CACNB4: variants seen among roughly 807,000 people sequenced by gnomAD.
CACNB4 encodes voltage-dependent L-type calcium channel subunit beta-4.
In CACNB4, 32 loss-of-function variants were observed where a neutral mutation model predicts 71.2. That is an observed-to-expected ratio of 0.45 (90% confidence interval 0.34 to 0.60). CACNB4 has a LOEUF of 0.60. Ranked by LOEUF, CACNB4 falls within the 20% of genes least tolerant of loss-of-function variation. CACNB4 has a pLI of 0.01. For synonymous variants in CACNB4, 231 were observed against 236.9 expected (o/e 0.97, Z 0.23); for missense variants, 464 against 647.9 (o/e 0.72, Z 3.08).
chr2:151,863,467 C>T (rs1011988459), intron 9 of CACNB4, among the ~76,000 whole-genome samples: 15 of 152,124 alleles, frequency 9.9e-5, no homozygotes, highest in African/African-American at 2.9e-4. Context: ...AAATATATGA[C>T]GAGAGACAAG....
intron 2 of CACNB4, chr2:152,048,835 A>G (rs987080329): frequency 1.3e-5 from 2 of 152,232 alleles, no homozygotes; most frequent in Admixed American, 1.3e-4. Flanking sequence ...TTCTAGATCT[A>G]AAGTACTACT....
intron 2 of CACNB4, among the ~76,000 whole-genome samples, chr2:151,955,959 A>G (rs771787726): frequency 5.9e-5 from 9 of 152,174 alleles, no homozygotes; most frequent in Admixed American, 3.3e-4. Flanking sequence ...TTCAAAGTCT[A>G]TAAAGTCTAT....
intron 12 of CACNB4, among the ~76,000 whole-genome samples, chr2:151,847,430 C>T (rs936498876): frequency 9.9e-5 from 15 of 152,036 alleles, no homozygotes; most frequent in African/African-American, 3.1e-4. Context: ...TAAAATCAAA[C>T]GGCTGAATGG....
chr2:151,846,589 A>C (rs1226808263), intron 12 of CACNB4, among the ~76,000 whole-genome samples: 2 of 152,026 alleles, frequency 1.3e-5, no homozygotes, highest in Non-Finnish European at 2.9e-5. Flanking sequence ...GTCTCACTCC[A>C]ACGCCCAGGC....
rs146940166 is a variant in CACNB4, at chr2:152,085,203, G to A, written c.147+13127C>T. Among the ~76,000 whole-genome samples, 32 of 152,142 alleles carry A rather than the reference G, an allele frequency of 2.1e-4. No individual in the cohort carries two copies. The East Asian group carries it at 3.5e-3, about 17-fold the overall frequency. On this transcript the variant is annotated intron_variant, in intron 2 of 13. Coordinates refer to ENST00000539935, the MANE Select transcript of CACNB4 (RefSeq NM_000726.5). ...CGTCCAAGTCTAGGTACCTGCGGCC[G>A]CCATGCAAGTACAGGCAGAGGGGAG...
At chr2:152,018,766 T>C (rs995302055) in intron 2 of CACNB4, among the ~76,000 whole-genome samples, 6 of 150,488 alleles carry the variant, frequency 4.0e-5, no homozygotes, top group Non-Finnish European at 5.9e-5. Flanking sequence ...ATTGCACCAC[T>C]GCACTCCACC....
intron 12 of CACNB4, among the ~76,000 whole-genome samples, chr2:151,848,328 T>C (rs2099838142): frequency 6.6e-6 from 1 of 152,136 alleles, no homozygotes; most frequent in South Asian, 2.1e-4. Flanking sequence ...CTGAAATTGA[T>C]TACCCCCCTT....
chr2:151,903,588 T>C (rs1187651416), intron 2 of CACNB4, among the ~76,000 whole-genome samples: 1 of 152,196 alleles, frequency 6.6e-6, no homozygotes, highest in Admixed American at 6.5e-5. Context: ...ACATTTGAAA[T>C]TGTCCCTGTC....
At chr2:152,059,656 T>A (rs114255970) in intron 2 of CACNB4, among the ~76,000 whole-genome samples, 5,139 of 152,366 alleles carry the variant, frequency 0.034, 121 homozygotes, top group Non-Finnish European at 0.05. Context: ...TTGTCTCAGA[T>A]GAGACTGGAC....
At chr2:151,955,156 A>G (rs2099867929) in intron 2 of CACNB4, among the ~76,000 whole-genome samples, 1 of 152,068 alleles carries the variant, frequency 6.6e-6, no homozygotes, top group Non-Finnish European at 1.5e-5. Context: ...TGCCCAGCCA[A>G]CAAGTCAGCA....
intron 2 of CACNB4, among the ~76,000 whole-genome samples, chr2:152,068,070 T>G (rs1436167743): frequency 6.6e-6 from 1 of 152,148 alleles, no homozygotes; most frequent in Non-Finnish European, 1.5e-5. Context: ...ACTATAAAGC[T>G]GAAAGACCTG....
At chr2:152,009,062 A>C (rs1018826553) in intron 2 of CACNB4, among the ~76,000 whole-genome samples, 1 of 151,994 alleles carries the variant, frequency 6.6e-6, no homozygotes, top group Non-Finnish European at 1.5e-5. Context: ...ATGGTGGCTC[A>C]CACCTTTAAT....
intron 12 of CACNB4, among the ~76,000 whole-genome samples, chr2:151,849,856 A>G (rs2151339674): frequency 6.6e-6 from 1 of 152,312 alleles, no homozygotes; most frequent in Non-Finnish European, 1.5e-5. Context: ...GTCCCAGAAC[A>G]AGGGGGCAAG....
intron 2 of CACNB4, among the ~76,000 whole-genome samples, chr2:151,897,216 G>A (rs181053449): frequency 2.6e-5 from 4 of 152,306 alleles, no homozygotes; most frequent in East Asian, 1.9e-4. Context: ...ATCCACTGGC[G>A]AAGCTGAGAC....
At chr2:152,057,802 T>C (rs557298356) in intron 2 of CACNB4, among the ~76,000 whole-genome samples, 1 of 152,038 alleles carries the variant, frequency 6.6e-6, no homozygotes, top group Admixed American at 6.6e-5. Context: ...CTCTAGTCTC[T>C]GCCTATGGCA....
At chr2:151,870,799 A>G in intron 7 of CACNB4, 43 bp downstream of exon 7, 4 of 1,532,460 alleles carry the variant, frequency 2.6e-6, no homozygotes, top group African/African-American at 2.7e-5. Flanking sequence ...GCATGTATAT[A>G]TAGGAACCTT....
intron 2 of CACNB4, among the ~76,000 whole-genome samples, chr2:152,034,480 T>C (rs1171601708): frequency 1.3e-5 from 2 of 152,176 alleles, no homozygotes; most frequent in Non-Finnish European, 2.9e-5. Context: ...AAGAGCAAGC[T>C]AACCTTGCTG....
intron 2 of CACNB4, among the ~76,000 whole-genome samples, chr2:152,061,968 C>T (rs746188018): frequency 1.1e-4 from 16 of 150,762 alleles, no homozygotes; most frequent in South Asian, 2.1e-4. Flanking sequence ...GCGGAGATCG[C>T]GCCACTGTAC....
intron 2 of CACNB4, among the ~76,000 whole-genome samples, chr2:152,055,143 C>A (rs1187189088): frequency 6.6e-6 from 1 of 152,170 alleles, no homozygotes; most frequent in South Asian, 2.1e-4. Flanking sequence ...TCCCGAGTAG[C>A]TGGGACTATA....
Sources: allele counts gnomAD v4.1 joint callset (sites outside exome capture counted in the v4.1 genomes callset), GRCh38; gene constraint gnomAD v4.1.1; transcripts MANE v1.5; gene names NCBI Gene and HGNC (gene_info 2026-07-23, HGNC 2026-07-21).